CNBD1: variants seen among roughly 807,000 people sequenced by gnomAD.
The protein encoded by CNBD1 is cyclic nucleotide binding domain containing 1.
In CNBD1, 71 loss-of-function variants were observed where a neutral mutation model predicts 54.4. The observed-to-expected ratio is 1.30, with a 90% confidence interval of 1.08 to 1.59. The LOEUF (loss-of-function observed/expected upper bound fraction) is 1.59, where lower values mean the gene tolerates loss of function less well. CNBD1 is among the 40% of genes most tolerant of loss of function. CNBD1 has a pLI of 0.00. For synonymous variants in CNBD1, 182 were observed against 170.7 expected (o/e 1.07, Z -0.51); for missense variants, 659 against 518.0 (o/e 1.27, Z -2.64).
At chr8:87,028,485 G>T (rs1158136827) in intron 4 of CNBD1, among the ~76,000 whole-genome samples, 1 of 152,204 alleles carries the variant, frequency 6.6e-6, no homozygotes, top group African/African-American at 2.4e-5. Context: ...TGCACAGAAG[G>T]CCAATCACTG....
chr8:87,161,669 T>C (rs1335894115), intron 4 of CNBD1, among the ~76,000 whole-genome samples: 1 of 151,990 alleles, frequency 6.6e-6, no homozygotes, highest in Non-Finnish European at 1.5e-5. Context: ...ACTGAAGAAT[T>C]CTCTGAAGAT....
At chr8:87,137,096 A>ATATTTATAGTC (rs1379211084) in intron 4 of CNBD1, among the ~76,000 whole-genome samples, 4 of 91,254 alleles carry the variant, frequency 4.4e-5, no homozygotes, top group African/African-American at 2.2e-4. Flanking sequence ...TATTTATATT[A>ATATTTATAGTC]TATGTAAATT....
intron 4 of CNBD1, among the ~76,000 whole-genome samples, chr8:87,191,039 A>G (rs1331426923): frequency 6.6e-6 from 1 of 151,818 alleles, no homozygotes; most frequent in Non-Finnish European, 1.5e-5. Context: ...AAGGAGAATT[A>G]GCTTTCACTA....
intron 4 of CNBD1, among the ~76,000 whole-genome samples, chr8:87,137,052 A>G (rs1174609417): frequency 1.5e-5 from 2 of 129,740 alleles, no homozygotes; most frequent in Admixed American, 9.0e-5. Context: ...TGTAAATTAT[A>G]TATATTATAT....
intron 4 of CNBD1, among the ~76,000 whole-genome samples, chr8:87,174,401 ACT>A (rs1813156094): frequency 6.6e-6 from 1 of 151,932 alleles, no homozygotes; most frequent in South Asian, 2.1e-4. Context: ...GTATTGTTTA[ACT>A]CTAAAATTTC....
intron 3 of CNBD1, among the ~76,000 whole-genome samples, chr8:86,936,638 G>A (rs944095029): frequency 2.0e-4 from 31 of 151,818 alleles, no homozygotes; most frequent in African/African-American, 7.3e-4. Flanking sequence ...AGCTACTCAG[G>A]AGGCTGAGGC....
intron 4 of CNBD1, among the ~76,000 whole-genome samples, chr8:87,167,767 T>A (rs1586302677): frequency 6.6e-6 from 1 of 152,030 alleles, no homozygotes; most frequent in East Asian, 1.9e-4. Context: ...GGGAGGATAT[T>A]TGGTAAGTAA....
In CNBD1 at chr8:87,164,254, T is replaced by G. The variant is rs138428287; in HGVS notation, c.432-41739T>G. Among the ~76,000 whole-genome samples, 240 of 152,046 alleles carry G rather than the reference T, an allele frequency of 1.6e-3. 2 individuals are homozygous for G. The East Asian group carries it at 0.035, about 22-fold the overall frequency. The stretch of plus-strand genomic sequence containing the variant: ...TTATTAGTGGTAATGGCCTGTAATT[T>G]TATTTTTTTGTAAAGTCTTTGTCTT... On this transcript the variant is annotated intron_variant, in intron 4 of 10. Coordinates refer to ENST00000518476, the MANE Select transcript of CNBD1 (RefSeq NM_173538.3).
At position 87,328,567 on chromosome 8, in the gene CNBD1, A is replaced by G. The variant is rs572582486; in HGVS notation, c.1043-23118A>G. Among the ~76,000 whole-genome samples the G allele has an allele frequency of 2.8e-4, 42 of 151,948 alleles. No homozygotes were observed. In the South Asian group the frequency reaches 8.5e-3, roughly 31 times the overall value. ...TATGAGGACTTCTTCTTTTTTATCA[A>G]GATTGTTTTGACTGCTTGGAGTCCT... is the stretch of plus-strand genomic sequence containing the variant. On this transcript the variant is annotated intron_variant, in intron 8 of 10. Coordinates refer to ENST00000518476, the MANE Select transcript of CNBD1 (RefSeq NM_173538.3).
At chr8:87,405,509 C>T (rs1273409272) in intron 2 of CNBD1, among the ~76,000 whole-genome samples, 1 of 152,054 alleles carries the variant, frequency 6.6e-6, no homozygotes, top group East Asian at 1.9e-4. Flanking sequence ...ATATTTACAG[C>T]ATATACTTAG....
At chr8:87,052,326 C>CT (rs975019170) in intron 4 of CNBD1, among the ~76,000 whole-genome samples, 9 of 152,156 alleles carry the variant, frequency 5.9e-5, no homozygotes, top group African/African-American at 1.9e-4. Flanking sequence ...TTAATATTAA[C>CT]TGCCCCTCAA....
intron 5 of CNBD1, among the ~76,000 whole-genome samples, chr8:87,228,236 C>A (rs1814556967): frequency 6.6e-6 from 1 of 150,888 alleles, no homozygotes; most frequent in Non-Finnish European, 1.5e-5. Context: ...CTTCTTCTCT[C>A]AGCTCGTCAA....
At chr8:87,167,373 A>G (rs1222882088) in intron 4 of CNBD1, among the ~76,000 whole-genome samples, 1 of 151,968 alleles carries the variant, frequency 6.6e-6, no homozygotes, top group Non-Finnish European at 1.5e-5. Context: ...GTAAATTGTT[A>G]TGATCATCCT....
rs1170234352 is a variant in CNBD1 at position 87,062,679 on chromosome 8, G to A, written c.431+122925G>A. Among the ~76,000 whole-genome samples, 7 of 151,720 alleles carry A rather than the reference G, an allele frequency of 4.6e-5. No homozygotes were observed. The South Asian group carries it at 8.4e-4, about 18-fold the overall frequency. On this transcript the variant is annotated intron_variant, in intron 4 of 10. Transcript: ENST00000518476. ...CTTGAACTCGGGAGGCAGCGATTGC[G>A]GTGAGCCAAGATCACCGTTGCACTC...
intron 2 of CNBD1, 77 bp downstream of exon 2, chr8:86,887,688 A>G: frequency 1.2e-5 from 12 of 1,018,768 alleles, no homozygotes; most frequent in African/African-American, 1.6e-5. Flanking sequence ...AAGTATAGTA[A>G]TAAACCATTG....
chr8:86,933,269 C>T (rs1243335371), intron 3 of CNBD1, among the ~76,000 whole-genome samples: 1 of 151,902 alleles, frequency 6.6e-6, no homozygotes, highest in African/African-American at 2.4e-5. Flanking sequence ...TCATAGTAGC[C>T]AAGTTTGTAT....
chr8:87,212,545 A>G (rs1313266310), intron 5 of CNBD1, among the ~76,000 whole-genome samples: 1 of 152,188 alleles, frequency 6.6e-6, no homozygotes, highest in Non-Finnish European at 1.5e-5. Context: ...TCCAGAAATA[A>G]TGTTTTAACT....
intron 8 of CNBD1, among the ~76,000 whole-genome samples, chr8:87,334,119 T>C (rs1809892941): frequency 6.6e-6 from 1 of 152,158 alleles, no homozygotes; most frequent in Non-Finnish European, 1.5e-5. Context: ...GGAGGGTGTA[T>C]GTGTCCAAGA....
intron 2 of CNBD1, among the ~76,000 whole-genome samples, chr8:87,412,980 G>A (rs1020945261): frequency 6.6e-6 from 1 of 152,052 alleles, no homozygotes; most frequent in East Asian, 1.9e-4. Flanking sequence ...GTGAAGATAA[G>A]CTAGTAATTG....
Sources: gnomAD v4.1 joint callset for allele counts (sites outside exome capture counted in the v4.1 genomes callset) on GRCh38, gnomAD v4.1.1 for gene constraint, MANE v1.5 for transcripts, NCBI Gene and HGNC (gene_info 2026-07-23, HGNC 2026-07-21) for gene names.